AGBL4: variants seen among roughly 807,000 people sequenced by gnomAD.
AGBL4 encodes the protein cytosolic carboxypeptidase 6.
AGBL4 carries 58 observed loss-of-function variants against 66.4 expected under a neutral mutation model. The observed-to-expected ratio is 0.87, with a 90% CI of 0.71 to 1.09. AGBL4 has a LOEUF of 1.09. AGBL4 is among the 50% of genes least tolerant of loss of function. AGBL4 has a pLI of 0.00. For missense variants in AGBL4, 579 were observed against 631.0 expected (o/e 0.92, Z 0.88); for synonymous variants, 234 against 222.9 (o/e 1.05, Z -0.44).
At chr1:49,664,071 G>GA (rs1646318916) in intron 3 of AGBL4, among the ~76,000 whole-genome samples, 1 of 151,894 alleles carries the variant, frequency 6.6e-6, no homozygotes, top group African/African-American at 2.4e-5. Flanking sequence ...GCCCAAGTAT[G>GA]AAAATTATTT....
chr1:49,322,035 A>C (rs1477103684), intron 3 of AGBL4, among the ~76,000 whole-genome samples: 3 of 152,224 alleles, frequency 2.0e-5, no homozygotes, highest in African/African-American at 7.2e-5. Flanking sequence ...CATGCCACCA[A>C]CCCAGGTTAA....
intron 3 of AGBL4, among the ~76,000 whole-genome samples, chr1:49,397,174 C>T (rs1423009414): frequency 6.6e-6 from 1 of 151,968 alleles, no homozygotes; most frequent in Non-Finnish European, 1.5e-5. Flanking sequence ...GGTCCATGGC[C>T]TGGGAGTTGA....
chr1:49,096,834 T>C (rs963544455), intron 4 of AGBL4, among the ~76,000 whole-genome samples: 9 of 150,482 alleles, frequency 6.0e-5, no homozygotes, highest in African/African-American at 2.2e-4. Flanking sequence ...AAACTTAAAG[T>C]ATAATAATAA....
At chr1:48,799,004 T>G (rs1318764558) in intron 6 of AGBL4, among the ~76,000 whole-genome samples, 1 of 152,198 alleles carries the variant, frequency 6.6e-6, no homozygotes, top group East Asian at 1.9e-4. Flanking sequence ...CGCAGGCTCT[T>G]TTTTGGTTCC....
At chr1:49,202,849 G>A (rs1449579484) in intron 4 of AGBL4, among the ~76,000 whole-genome samples, 1 of 151,686 alleles carries the variant, frequency 6.6e-6, no homozygotes, top group African/African-American at 2.4e-5. Flanking sequence ...AAATATTTGT[G>A]AACAAAATAT....
chr1:49,488,096 TG>T (rs1389763723), intron 3 of AGBL4, among the ~76,000 whole-genome samples: 1 of 151,948 alleles, frequency 6.6e-6, no homozygotes, highest in Admixed American at 6.6e-5. Flanking sequence ...TTAAAATTTT[TG>T]TTATGAAATA....
At chr1:49,646,236 A>T (rs1645885019) in intron 3 of AGBL4, among the ~76,000 whole-genome samples, 1 of 151,912 alleles carries the variant, frequency 6.6e-6, no homozygotes, top group Non-Finnish European at 1.5e-5. Flanking sequence ...AAAATAAATT[A>T]AAAAGTTAAA....
chr1:48,997,723 G>A (rs1661119676), intron 5 of AGBL4, among the ~76,000 whole-genome samples: 1 of 152,120 alleles, frequency 6.6e-6, no homozygotes. Flanking sequence ...CATAATATGA[G>A]GATGAAATGC....
At chr1:49,757,820 A>C (rs1422522618) in intron 2 of AGBL4, among the ~76,000 whole-genome samples, 1 of 152,230 alleles carries the variant, frequency 6.6e-6, no homozygotes. Context: ...TTGCAGACTG[A>C]CAATGCAATA....
intron 5 of AGBL4, among the ~76,000 whole-genome samples, chr1:48,988,193 C>A (rs775847821): frequency 9.9e-5 from 15 of 152,172 alleles, no homozygotes; most frequent in South Asian, 2.1e-4. Context: ...CTATGAGCCA[C>A]TCGAGAACAG....
At chr1:49,004,101 C>A (rs952026913) in intron 5 of AGBL4, among the ~76,000 whole-genome samples, 2 of 152,204 alleles carry the variant, frequency 1.3e-5, no homozygotes, top group African/African-American at 4.8e-5. Context: ...AAGGGCTGGG[C>A]CTTCATTGAG....
At chr1:49,079,802 C>T (rs1644776104) in intron 4 of AGBL4, among the ~76,000 whole-genome samples, 1 of 152,140 alleles carries the variant, frequency 6.6e-6, no homozygotes, top group Non-Finnish European at 1.5e-5. Flanking sequence ...TTTTTGTTCT[C>T]ATAATCAGCA....
At chr1:49,708,191 A>T (rs1239426979) in intron 2 of AGBL4, among the ~76,000 whole-genome samples, 1 of 152,102 alleles carries the variant, frequency 6.6e-6, no homozygotes, top group South Asian at 2.1e-4. Context: ...AGGTACACCA[A>T]TCAAATGTAA....
intron 4 of AGBL4, among the ~76,000 whole-genome samples, chr1:49,183,146 T>C (rs1423565572): frequency 6.6e-6 from 1 of 152,198 alleles, no homozygotes; most frequent in African/African-American, 2.4e-5. Context: ...ATGATGTTTT[T>C]CCTTATATTC....
intron 5 of AGBL4, among the ~76,000 whole-genome samples, chr1:48,898,037 T>C (rs918461011): frequency 1.4e-4 from 21 of 152,158 alleles, no homozygotes; most frequent in Non-Finnish European, 2.6e-4. Flanking sequence ...GGTCTCGATC[T>C]CTTGACCTCA....
At chr1:49,800,845 T>C (rs968450892) in intron 2 of AGBL4, among the ~76,000 whole-genome samples, 2 of 127,970 alleles carry the variant, frequency 1.6e-5, no homozygotes, top group African/African-American at 6.0e-5. Flanking sequence ...TGTGTCTTTA[T>C]AGCAGCATGA....
intron 3 of AGBL4, among the ~76,000 whole-genome samples, chr1:49,621,350 T>C (rs1645357424): frequency 6.6e-6 from 1 of 152,200 alleles, no homozygotes; most frequent in South Asian, 2.1e-4. Flanking sequence ...ATTCTGTATT[T>C]GTCCCGATTG....
chr1:49,749,656 G>C (rs928717476), intron 2 of AGBL4, among the ~76,000 whole-genome samples: 1 of 151,946 alleles, frequency 6.6e-6, no homozygotes, highest in Admixed American at 6.6e-5. Context: ...TTCCATTCAC[G>C]GTTATATCAA....
At chr1:49,756,392 T>C (rs947283285) in intron 2 of AGBL4, among the ~76,000 whole-genome samples, 2 of 152,176 alleles carry the variant, frequency 1.3e-5, no homozygotes, top group East Asian at 1.9e-4. Flanking sequence ...AGTTTTGCTC[T>C]TAAAGGAAAA....
Sources: gnomAD v4.1 joint callset for allele counts (sites outside exome capture counted in the v4.1 genomes callset) on GRCh38, gnomAD v4.1.1 for gene constraint, MANE v1.5 for transcripts, NCBI Gene and HGNC (gene_info 2026-07-23, HGNC 2026-07-21) for gene names.